Variants in OTULIN observed in about 807,000 individuals in gnomAD.
OTULIN encodes the protein ubiquitin thioesterase otulin.
A neutral mutation model predicts 39.6 loss-of-function variants in OTULIN; 15 were observed. The ratio of observed to expected loss-of-function variants is 0.38; its 90% CI spans 0.25 to 0.58. OTULIN has a LOEUF of 0.58. Ranked by LOEUF, OTULIN falls within the 20% of genes least tolerant of loss-of-function variation. The pLI, the probability that OTULIN is intolerant of heterozygous loss-of-function variation, is 0.66. For missense variants in OTULIN, 319 were observed against 445.9 expected (o/e 0.72, Z 2.56); for synonymous variants, 156 against 170.3 (o/e 0.92, Z 0.65).
At chr5:14,680,193 G>A (rs16903639) in intron 3 of OTULIN, among the ~76,000 whole-genome samples, 2,136 of 152,320 alleles carry the variant, frequency 0.014, 61 homozygotes, top group African/African-American at 0.049. Context: ...CCATAGGCAA[G>A]AAGTACATAA....
At chr5:14,675,535 G>A (rs1047065382) in intron 2 of OTULIN, among the ~76,000 whole-genome samples, 1 of 152,154 alleles carries the variant, frequency 6.6e-6, no homozygotes, top group South Asian at 2.1e-4. Context: ...AGGGTGCAGT[G>A]TCCTCATTAG....
chr5:14,712,085 C>T, the OTULIN span, among the ~76,000 whole-genome samples: 23 of 152,332 alleles, frequency 1.5e-4, no homozygotes, highest in East Asian at 2.9e-3. Flanking sequence ...GCTTTTCTTT[C>T]ATTATATTTG....
the OTULIN span, among the ~76,000 whole-genome samples, chr5:14,714,524 A>G: frequency 6.6e-6 from 1 of 152,178 alleles, no homozygotes; most frequent in Admixed American, 6.5e-5. Flanking sequence ...CATTCCTGGG[A>G]TAAAAATTCC....
intron 4 of OTULIN, among the ~76,000 whole-genome samples, chr5:14,686,297 A>T (rs757329407): frequency 2.0e-5 from 3 of 151,990 alleles, no homozygotes; most frequent in Non-Finnish European, 4.4e-5. Flanking sequence ...CTTTCTTACT[A>T]TATAAAGTTT....
chr5:14,702,156 G>C (rs188283258), downstream of OTULIN, among the ~76,000 whole-genome samples: 1 of 152,304 alleles, frequency 6.6e-6, no homozygotes, highest in Admixed American at 6.5e-5. Flanking sequence ...ATGGCGCTTG[G>C]GGACTTGACT....
At position 14,698,297 on chromosome 5, in the gene OTULIN, C is replaced by T. The variant is rs1019782175; in HGVS notation, c.*5249C>T. ...CACACTGTGTGAACCTGGCAGCGCT[C>T]ATCTTGGCTTGTTTAGCAGTGCCTC... On this transcript the variant is annotated 3_prime_UTR_variant, in exon 7 of 7. Coordinates refer to ENST00000284274, the MANE Select transcript of OTULIN (RefSeq NM_138348.6). 6.6e-6 allele frequency: 1 copy of T among 152,372 alleles called. No individual in the cohort carries two copies. The highest frequency in any genetic ancestry group is 2.1e-4 in the South Asian group (1 of 4,832). The allele number at this position is 152,372 out of a possible 1,614,324, so 9.4% of individuals were successfully genotyped here.
In OTULIN at chr5:14,693,736, T is replaced by C. The variant is rs949817614; in HGVS notation, c.*688T>C. 2.0e-5 allele frequency: 3 copies of C among 152,260 alleles called. No individual in the cohort carries two copies. Among genetic ancestry groups the C allele is most frequent in the African/African-American group, 7.2e-5 (3 of 41,464 alleles). The allele number at this position is 152,260 out of a possible 1,614,324, so 9.4% of individuals were successfully genotyped here. On this transcript the variant is annotated 3_prime_UTR_variant, in exon 7 of 7. Coordinates refer to ENST00000284274, the MANE Select transcript of OTULIN (RefSeq NM_138348.6). ...AAGAATTGGGTCCCAAAGTGGGTTA[T>C]TTCAAGGCATTTTTGAAGACTGGAG...
rs1736495245 is a variant in OTULIN at position 14,690,400 on chromosome 5, G to T, written c.864+92G>T. 1.4e-6 allele frequency: 2 copies of T among 1,469,364 alleles called. No individual in the cohort carries two copies. The highest frequency in any genetic ancestry group is 9.2e-7 in the Non-Finnish European group (1 of 1,087,936). 91.0% of individuals were successfully genotyped at this position (1,469,364 alleles called of 1,614,324 possible). Reference sequence around the variant, plus strand: ...ACAGTTTTTGTAGGTCAGAAATTCAGGGACAGCTTAGTTGGATGGTTCTGG... The same window carrying T: ...ACAGTTTTTGTAGGTCAGAAATTCATGGACAGCTTAGTTGGATGGTTCTGG... On this transcript the variant is annotated intron_variant, in intron 6 of 6. Transcript: ENST00000284274. The surrounding 1 kb of genome is among the most constrained non-coding windows in gnomAD (Gnocchi z 4.5).
the OTULIN span, among the ~76,000 whole-genome samples, chr5:14,714,159 C>T: frequency 6.6e-6 from 1 of 152,238 alleles, no homozygotes; most frequent in Admixed American, 6.5e-5. Context: ...CCCCACTTCC[C>T]TCTGTTCTTT....
chr5:14,676,908 C>T (rs992801232), intron 2 of OTULIN, among the ~76,000 whole-genome samples: 1 of 152,100 alleles, frequency 6.6e-6, no homozygotes, highest in Non-Finnish European at 1.5e-5. Context: ...AATGAAGATT[C>T]TTTAAGGATT....
chr5:14,675,469 C>G (rs1421924693), intron 2 of OTULIN, among the ~76,000 whole-genome samples: 2 of 152,230 alleles, frequency 1.3e-5, no homozygotes, highest in Non-Finnish European at 2.9e-5. Context: ...TTCCAGTCTT[C>G]CATGAAACTT....
the OTULIN span, chr5:14,712,895 C>A: frequency 6.2e-7 from 1 of 1,611,978 alleles, no homozygotes; most frequent in Non-Finnish European, 8.5e-7. Context: ...AGACATAGCA[C>A]GCAGCGATGG....
chr5:14,679,345 C>T (rs1218912645), intron 3 of OTULIN, among the ~76,000 whole-genome samples: 1 of 152,172 alleles, frequency 6.6e-6, no homozygotes, highest in Admixed American at 6.5e-5. Context: ...CCATGGCCTA[C>T]ATACACCACA....
chr5:14,680,295 T>G (rs1736212933), intron 3 of OTULIN, among the ~76,000 whole-genome samples: 1 of 152,112 alleles, frequency 6.6e-6, no homozygotes, highest in Admixed American at 6.5e-5. Context: ...ATGTTGTTAT[T>G]GGGGGAAAAA....
downstream of OTULIN, among the ~76,000 whole-genome samples, chr5:14,703,532 G>A (rs530266275): frequency 1.3e-5 from 2 of 152,060 alleles, no homozygotes; most frequent in Non-Finnish European, 2.9e-5. Flanking sequence ...TTGAGGAGGA[G>A]GTTTCCAGGT....
chr5:14,705,426 G>C, the OTULIN span: 6 of 152,202 alleles, frequency 3.9e-5, no homozygotes, highest in Non-Finnish European at 7.3e-5. Flanking sequence ...AGGGGCCTTA[G>C]CAATAATGGC....
In OTULIN at chr5:14,681,611, C is replaced by G; in HGVS notation, c.468+4C>G. The G allele has an allele frequency of 6.2e-7, 1 of 1,600,592 alleles. No homozygotes were observed. The highest frequency in any genetic ancestry group is 8.5e-7 in the Non-Finnish European group (1 of 1,176,498). Reference sequence around the variant, plus strand: ...GCAGGACCCGGAGCTCATGCTGGTACGCTGCTGCTGCAGGTTTGAGTCCAA... The same window carrying G: ...GCAGGACCCGGAGCTCATGCTGGTAGGCTGCTGCTGCAGGTTTGAGTCCAA... On this transcript the variant is annotated splice_donor_region_variant and intron_variant, in intron 4 of 6. Coordinates refer to ENST00000284274, the MANE Select transcript of OTULIN (RefSeq NM_138348.6).
the OTULIN span, chr5:14,711,437 T>TCTTCTTAA: frequency 1.3e-6 from 1 of 774,826 alleles, no homozygotes; most frequent in Non-Finnish European, 2.2e-6. Context: ...TTCTTATGGT[T>TCTTCTTAA]GGGGTGGCGT....
chr5:14,691,962 G>T (rs1007846229), intron 6 of OTULIN, among the ~76,000 whole-genome samples: 6 of 152,160 alleles, frequency 3.9e-5, no homozygotes, highest in Non-Finnish European at 8.8e-5. Flanking sequence ...CCATTGTATG[G>T]ATGGATCACA....
Sources: gnomAD v4.1 joint callset for allele counts (sites outside exome capture counted in the v4.1 genomes callset) on GRCh38, gnomAD v4.1.1 for gene constraint, Gnocchi (gnomAD v3.1) non-coding constraint, MANE v1.5 for transcripts, NCBI Gene and HGNC (gene_info 2026-07-23, HGNC 2026-07-21) for gene names.